The following E2F1 variants were observed in gnomAD, a reference collection of about 807,000 sequenced individuals.
The protein encoded by E2F1 is E2F transcription factor 1.
A neutral mutation model predicts 36.9 loss-of-function variants in E2F1; 7 were observed. The ratio of observed to expected loss-of-function variants is 0.19; its 90% CI spans 0.11 to 0.36. E2F1 has a LOEUF of 0.36. Among genes scored for constraint, E2F1 ranks in the 10% least tolerant of loss-of-function variants. The pLI, the probability that E2F1 is intolerant of heterozygous loss-of-function variation, is 1.00. For synonymous variants in E2F1, 261 were observed against 263.1 expected, an observed-to-expected ratio of 0.99 and a Z score of 0.08; for missense variants, 406 against 573.6, an observed-to-expected ratio of 0.71 and a Z score of 2.99.
At chr20:33,680,228 G>T in intron 2 of E2F1, 98 bp downstream of exon 2, 1 of 1,360,598 alleles carries the variant, frequency 7.3e-7, no homozygotes, top group South Asian at 1.3e-5. Flanking sequence ...GCTCAAGCCC[G>T]ACAAGCCAGA....
rs1182100979 is a variant in E2F1, at chr20:33,676,893, C to G, written c.1153G>C (p.Glu385Gln). Residue 385 changes from glutamate to glutamine, a missense_variant, in exon 7 of 7, where the codon GAG becomes CAG. Glu to Gln is a conservative substitution (Grantham distance 29, BLOSUM62 2). This residue lies in a region of E2F1 where 163 missense variants were observed against 181.5 expected (regional missense o/e 0.90). Coordinates refer to ENST00000343380, the MANE Select transcript of E2F1 (RefSeq NM_005225.3). ...CCGGAGAAGTCCTCCCGCACATGCT[C>G]CAGGAGCGAGTCGGCCGCCACCAGC... Reference protein sequence around the residue: ...SPLVAADSLLEHVREDFSGLL... With the variant: ...SPLVAADSLLQHVREDFSGLL... 1 of 1,573,244 alleles carries G rather than the reference C, an allele frequency of 6.4e-7. No individual in the cohort carries two copies. The highest frequency in any genetic ancestry group is 1.2e-5 in the South Asian group (1 of 86,574).
intron 1 of E2F1, among the ~76,000 whole-genome samples, chr20:33,681,788 G>A (rs1290077200): frequency 6.6e-6 from 1 of 152,152 alleles, no homozygotes. Flanking sequence ...CACCTTCCCA[G>A]TGGGCTGCTG....
chr20:33,686,109 C>A lies in E2F1; in HGVS notation c.156G>T (p.Ala52=). 1 of 1,075,474 alleles carries A rather than the reference C, an allele frequency of 9.3e-7. No individual in the cohort carries two copies. The highest frequency in any genetic ancestry group is 4.3e-5 in the South Asian group (1 of 23,218). The allele number at this position is 1,075,474 out of a possible 1,614,324, so 66.6% of individuals were successfully genotyped here. The stretch of plus-strand genomic sequence containing the variant: ...GGTCGCAGGGGCCGGCGGCGGGCGC[C>A]GCGGGGCCGGTGGGAGCCGGCGGGG... The part of the protein sequence containing the change: ...ASAPPAPTGP[A]APAAGPCDPD... The change falls in exon 1 of 7, where the codon GCG becomes GCT. Residue 52 remains alanine, a synonymous_variant. Transcript: ENST00000343380.
At chr20:33,684,696 CTATTGT>C (rs1713999840) in intron 1 of E2F1, among the ~76,000 whole-genome samples, 1 of 152,142 alleles carries the variant, frequency 6.6e-6, no homozygotes, top group South Asian at 2.1e-4. Context: ...ATGGTGGCTG[CTATTGT>C]TATTATTATT....
rs372622810 is a variant in E2F1 at position 33,680,009 on chromosome 20, C to G, written c.353-35G>C. 1.5e-3 allele frequency: 2,284 copies of G among 1,516,338 alleles called. 5 individuals carry two copies. The highest frequency in any genetic ancestry group is 1.8e-3 in the Non-Finnish European group (1,973 of 1,110,110). The allele number at this position is 1,516,338 out of a possible 1,614,324, so 93.9% of individuals were successfully genotyped here. On this transcript the variant is annotated intron_variant, in intron 2 of 6. Coordinates refer to ENST00000343380, the MANE Select transcript of E2F1 (RefSeq NM_005225.3). ...TGTGGTCAGGCAAGACAGGGCCCTT[C>G]AGCATCCACCCCCACCTCCAGCCAG...
At chr20:33,677,894 A>AGG in intron 4 of E2F1, among the ~76,000 whole-genome samples, 1 of 152,206 alleles carries the variant, frequency 6.6e-6, no homozygotes, top group Admixed American at 6.5e-5. Context: ...TCCTGGGCTC[A>AGG]AGTGATCCTC....
chr20:33,677,068 G>GGCCCT, intron 6 of E2F1, 37 bp downstream of exon 6: 1 of 1,586,628 alleles, frequency 6.3e-7, no homozygotes, highest in Non-Finnish European at 8.6e-7. Flanking sequence ...CCAGAAGAGG[G>GGCCCT]GCCCTGCCCC....
Position 33,676,474 on chromosome 20 carries a change from TCA to T in E2F1, c.*256_*257del. 1 of 475,258 alleles carries T rather than the reference TCA, an allele frequency of 2.1e-6. No homozygotes were observed. Among genetic ancestry groups the T allele is most frequent in the Non-Finnish European group, 3.7e-6 (1 of 269,160 alleles). 29.4% of individuals were successfully genotyped at this position (475,258 alleles called of 1,614,324 possible). On this transcript the variant is annotated 3_prime_UTR_variant, in exon 7 of 7. Coordinates refer to ENST00000343380, the MANE Select transcript of E2F1 (RefSeq NM_005225.3). ...CCCCGGTACATGCACACACACATGC[TCA>T]CACACATTCACCCCCGGTACACACG... is the stretch of plus-strand genomic sequence containing the variant.
chr20:33,677,632 C>T (rs2017977731), intron 4 of E2F1, 92 bp from the exon 5 acceptor site: 2 of 924,320 alleles, frequency 2.2e-6, no homozygotes. Context: ...TGCCTAGTCA[C>T]TCCTGTCCTC....
intron 1 of E2F1, among the ~76,000 whole-genome samples, chr20:33,682,387 TGA>T (rs753805467): frequency 6.6e-6 from 1 of 152,160 alleles, no homozygotes; most frequent in East Asian, 1.9e-4. Flanking sequence ...GGCCTCCACC[TGA>T]GAGAGGCCAC....
intron 1 of E2F1, 35 bp from the exon 2 acceptor site, chr20:33,680,451 G>A: frequency 1.9e-6 from 3 of 1,601,400 alleles, no homozygotes; most frequent in Non-Finnish European, 2.6e-6. Context: ...CAGTAACCAG[G>A]AGTGAGGCCA....
chr20:33,678,144 G>A, intron 4 of E2F1, 57 bp downstream of exon 4: 1 of 1,558,886 alleles, frequency 6.4e-7, no homozygotes, highest in Non-Finnish European at 8.7e-7. Flanking sequence ...TCCCACTTGG[G>A]TGGAGCCCCT....
Position 33,676,135 on chromosome 20 carries a change from TTCC to T in E2F1, c.*594_*596del, listed in dbSNP as rs2017949836. On this transcript the variant is annotated 3_prime_UTR_variant, in exon 7 of 7. Transcript: ENST00000343380. ...CCACACCCCTCCTCCCCTTTGCTGA[TTCC>T]CCAGGCTCACCAAAGAGGCCTCGAT... 1 of 152,726 alleles carries T rather than the reference TTCC, an allele frequency of 6.5e-6. No homozygotes were observed. Among genetic ancestry groups the T allele is most frequent in the Admixed American group, 6.5e-5 (1 of 15,290 alleles). 9.5% of individuals were successfully genotyped at this position (152,726 alleles called of 1,614,324 possible). A position where few individuals can be genotyped will look rare whatever the true frequency, so the allele number is the denominator to read the frequency against.
chr20:33,683,597 A>G (rs2018037342), intron 1 of E2F1, among the ~76,000 whole-genome samples: 1 of 151,050 alleles, frequency 6.6e-6, no homozygotes, highest in African/African-American at 2.4e-5. Context: ...ACATGGCAAG[A>G]CCCTCTCTCT....
At chr20:33,682,655 G>A (rs1190514031) in intron 1 of E2F1, among the ~76,000 whole-genome samples, 1 of 152,138 alleles carries the variant, frequency 6.6e-6, no homozygotes, top group African/African-American at 2.4e-5. Flanking sequence ...TGCCATTTCT[G>A]CCACTTCTCC....
intron 4 of E2F1, among the ~76,000 whole-genome samples, chr20:33,677,983 A>G (rs1032845888): frequency 1.3e-5 from 2 of 152,212 alleles, no homozygotes; most frequent in Admixed American, 1.3e-4. Context: ...AATCTGTACA[A>G]TTTCAGAATT....
rs763256677 is a variant in E2F1 at position 33,676,718 on chromosome 20, C to G, written c.*14G>C. The G allele has an allele frequency of 1.3e-6, 2 of 1,591,568 alleles. No individual in the cohort carries two copies. The highest frequency in any genetic ancestry group is 1.7e-6 in the Non-Finnish European group (2 of 1,167,894). On this transcript the variant is annotated 3_prime_UTR_variant, in exon 7 of 7. Coordinates refer to ENST00000343380, the MANE Select transcript of E2F1 (RefSeq NM_005225.3). ...GGTGAGCATCTCTGGAAACCCTGGT[C>G]CCTCCAAGCCCTGTCAGAAATCCAG... is the stretch of plus-strand genomic sequence containing the variant.
chr20:33,678,455 A>T, intron 3 of E2F1, 102 bp from the exon 4 acceptor site: 2 of 1,434,180 alleles, frequency 1.4e-6, no homozygotes, highest in Non-Finnish European at 1.9e-6. Flanking sequence ...CTGTTCTGTG[A>T]GGCCTAGGCA....
rs1411509941 is a variant in E2F1 at position 33,675,917 on chromosome 20, G to T, written c.*815C>A. On this transcript the variant is annotated 3_prime_UTR_variant, in exon 7 of 7. Coordinates refer to ENST00000343380, the MANE Select transcript of E2F1 (RefSeq NM_005225.3). ...TCATATCCATCCTGGGGGGCAGCTGGGGCCCTGAACTGGCCCCCTGGAGAG... is the reference window on the plus strand; with the variant it reads ...TCATATCCATCCTGGGGGGCAGCTGTGGCCCTGAACTGGCCCCCTGGAGAG... 3.2e-5 allele frequency: 5 copies of T among 156,572 alleles called. No homozygotes were observed. Among genetic ancestry groups the T allele is most frequent in the African/African-American group, 1.2e-4 (5 of 41,496 alleles). The allele number at this position is 156,572 out of a possible 1,614,324, so 9.7% of individuals were successfully genotyped here.
Sources: gnomAD v4.1 joint callset for allele counts (sites outside exome capture counted in the v4.1 genomes callset) on GRCh38, gnomAD v4.1.1 for gene constraint, gnomAD v4.1.1 regional missense constraint, MANE v1.5 for transcripts, NCBI Gene and HGNC (gene_info 2026-07-23, HGNC 2026-07-21) for gene names.